The following SEC24B variants were observed in gnomAD, a reference collection of about 807,000 sequenced individuals.
SEC24B encodes SEC24 homolog B, COPII component, also known as protein transport protein Sec24B.
SEC24B carries 45 observed loss-of-function variants against 142.8 expected under a neutral mutation model. The observed-to-expected ratio is 0.32, with a 90% CI of 0.25 to 0.40. The LOEUF is 0.40. Among genes scored for constraint, SEC24B ranks in the 10% least tolerant of loss-of-function variants. SEC24B has a pLI of 1.00. For synonymous variants in SEC24B, 574 were observed against 568.2 expected (o/e 1.01, Z -0.15); for missense variants, 1,409 against 1,526.8 (o/e 0.92, Z 1.29).
intron 1 of SEC24B, among the ~76,000 whole-genome samples, chr4:109,460,734 G>A (rs559381627): frequency 6.6e-6 from 1 of 151,044 alleles, no homozygotes; most frequent in Non-Finnish European, 1.5e-5. Context: ...AAAGCATTTA[G>A]AACAGTGAAT....
At chr4:109,488,798 C>G (rs1157095623) in intron 4 of SEC24B, 1 of 167,598 alleles carries the variant, frequency 6.0e-6, no homozygotes. Context: ...TATAACCATC[C>G]TAGTGGATGT....
chr4:109,525,042 A>T, intron 15 of SEC24B, 101 bp downstream of exon 15: 1 of 1,103,276 alleles, frequency 9.1e-7, no homozygotes, highest in Non-Finnish European at 1.3e-6. Flanking sequence ...TTAGGGAGAA[A>T]AGCATGTGCA....
chr4:109,517,321 A>C (rs1723046094), intron 11 of SEC24B, among the ~76,000 whole-genome samples: 1 of 152,188 alleles, frequency 6.6e-6, no homozygotes, highest in African/African-American at 2.4e-5. Flanking sequence ...CTCATTTGTG[A>C]TACCATGGAT....
At chr4:109,537,185 A>G (rs1725652635) in intron 22 of SEC24B, among the ~76,000 whole-genome samples, 1 of 151,628 alleles carries the variant, frequency 6.6e-6, no homozygotes, top group African/African-American at 2.4e-5. Context: ...AGGAAAAAAA[A>G]TAGTAATTTA....
intron 2 of SEC24B, 29 bp downstream of exon 2, chr4:109,463,673 A>AT (rs1489568388): frequency 6.3e-7 from 1 of 1,592,232 alleles, no homozygotes; most frequent in East Asian, 2.2e-5. Flanking sequence ...TCACCAAAAC[A>AT]TGTTTGAAAA....
At chr4:109,535,851 C>CAAAAAT (rs1725479735) in intron 22 of SEC24B, among the ~76,000 whole-genome samples, 1 of 150,302 alleles carries the variant, frequency 6.7e-6, no homozygotes. Flanking sequence ...GACTCCGTCT[C>CAAAAAT]AAAAAAAAAG....
intron 3 of SEC24B, 147 bp downstream of exon 3, chr4:109,473,333 C>A: frequency 2.0e-6 from 1 of 495,784 alleles, no homozygotes; most frequent in Non-Finnish European, 3.4e-6. Context: ...TACATAATTA[C>A]ATACCATTTT....
intron 14 of SEC24B, 91 bp downstream of exon 14, chr4:109,521,717 T>C: frequency 9.8e-7 from 1 of 1,017,364 alleles, no homozygotes; most frequent in Non-Finnish European, 1.4e-6. Flanking sequence ...GCAAGAGAGT[T>C]GGGTTTTTTT....
At chr4:109,438,009 G>A (rs1396070851) in intron 1 of SEC24B, among the ~76,000 whole-genome samples, 1 of 152,140 alleles carries the variant, frequency 6.6e-6, no homozygotes, top group Non-Finnish European at 1.5e-5. Context: ...AAGTGGTTGC[G>A]GTTAAAATAG....
chr4:109,460,314 A>G (rs1354960955), intron 1 of SEC24B, among the ~76,000 whole-genome samples: 5 of 152,156 alleles, frequency 3.3e-5, no homozygotes, highest in Non-Finnish European at 7.4e-5. Flanking sequence ...TATTATGGCA[A>G]GGAGTGTAGT....
chr4:109,527,246 A>G lies in SEC24B; in HGVS notation c.2966-76A>G, dbSNP rs562005463. ...AAAAAAAAAAAAGAAAGAAAGAAAG[A>G]AAAAAAGTATTTGACATGTTTGCTT... On this transcript the variant is annotated intron_variant, in intron 17 of 23. Coordinates refer to ENST00000265175, the MANE Select transcript of SEC24B (RefSeq NM_006323.5). 8.2e-5 allele frequency: 86 copies of G among 1,042,534 alleles called. 1 individual carries two copies. In the East Asian group the frequency reaches 1.8e-3, roughly 21 times the overall value. The allele number at this position is 1,042,534 out of a possible 1,614,324, so 64.6% of individuals were successfully genotyped here.
At chr4:109,530,975 C>T (rs934592860) in intron 19 of SEC24B, among the ~76,000 whole-genome samples, 2 of 150,582 alleles carry the variant, frequency 1.3e-5, no homozygotes, top group African/African-American at 2.5e-5. Flanking sequence ...TTAGTGAAAC[C>T]ATATTCTCTC....
intron 2 of SEC24B, among the ~76,000 whole-genome samples, chr4:109,471,655 T>C (rs1236498133): frequency 6.6e-6 from 1 of 152,166 alleles, no homozygotes; most frequent in Admixed American, 6.5e-5. Context: ...TTCATTTTGC[T>C]GGAGGTTTGC....
intron 3 of SEC24B, 40 bp downstream of exon 3, chr4:109,473,226 A>G: frequency 4.6e-6 from 6 of 1,307,138 alleles, no homozygotes; most frequent in Non-Finnish European, 6.1e-6. Context: ...ACACAGACAC[A>G]CATACGTATT....
rs367994320 is a variant in SEC24B, at chr4:109,450,308, TAAG to T, written c.134-12590_134-12588del. ...CTTATGTTCAAATCACCACAGTAAT[TAAG>T]AAATATTCTTTGGGAGATACTTTGA... On this transcript the variant is annotated intron_variant, in intron 1 of 23. Transcript: ENST00000265175. 2.5e-3 allele frequency among the ~76,000 whole-genome samples: 378 copies of T among 152,286 alleles called. 2 individuals are homozygous for T. Among genetic ancestry groups the T allele is most frequent in the African/African-American group, 8.6e-3 (357 of 41,570 alleles).
Position 109,479,135 on chromosome 4 carries a change from GTT to G in SEC24B, c.1061-2541_1061-2540del, listed in dbSNP as rs750773063. ...TTGCCTGAGGGTACTTTAATGGTTG[GTT>G]ATTTAAACTAAATGTCCTTTCGAAA... On this transcript the variant is annotated intron_variant, in intron 3 of 23. Transcript: ENST00000265175. 5.9e-5 allele frequency among the ~76,000 whole-genome samples: 9 copies of G among 152,298 alleles called. No individual in the cohort carries two copies. In the South Asian group the frequency reaches 1.0e-3, roughly 18 times the overall value.
At chr4:109,464,697 T>G (rs1426000475) in intron 2 of SEC24B, among the ~76,000 whole-genome samples, 3 of 152,236 alleles carry the variant, frequency 2.0e-5, no homozygotes, top group Non-Finnish European at 4.4e-5. Context: ...TGTATCATTA[T>G]CTGGATAGCC....
At chr4:109,498,795 A>G (rs1735804056) in intron 6 of SEC24B, among the ~76,000 whole-genome samples, 2 of 152,174 alleles carry the variant, frequency 1.3e-5, no homozygotes, top group African/African-American at 4.8e-5. Context: ...GCTCTGTGTA[A>G]GGGCTTTTCT....
intron 22 of SEC24B, 86 bp from the exon 23 acceptor site, chr4:109,538,407 G>C: frequency 1.2e-6 from 1 of 821,936 alleles, no homozygotes. Flanking sequence ...TGGCAGTTGG[G>C]GGTGATGGTA....
Sources: allele counts gnomAD v4.1 joint callset (sites outside exome capture counted in the v4.1 genomes callset), GRCh38; gene constraint gnomAD v4.1.1; transcripts MANE v1.5; gene names NCBI Gene and HGNC (gene_info 2026-07-23, HGNC 2026-07-21).